Variants in UBTD2 observed in about 807,000 individuals in gnomAD.
UBTD2 encodes the protein ubiquitin domain containing 2.
Under a neutral mutation model 19.8 loss-of-function variants are expected in UBTD2, and 9 were observed. The observed-to-expected ratio is 0.46, with a 90% CI of 0.27 to 0.79. The LOEUF is 0.79. Among genes scored for constraint, UBTD2 ranks in the 30% least tolerant of loss-of-function variants. The pLI is 0.14. For synonymous variants in UBTD2, 98 were observed against 103.9 expected (o/e 0.94, Z 0.35); for missense variants, 250 against 300.4 (o/e 0.83, Z 1.24).
chr5:172,232,832 T>A (rs1771930396), intron 2 of UBTD2, among the ~76,000 whole-genome samples: 1 of 151,976 alleles, frequency 6.6e-6, no homozygotes, highest in South Asian at 2.1e-4. Context: ...TGCAATGAGC[T>A]GTCATCGTGC....
chr5:172,229,455 T>C (rs993142291), intron 2 of UBTD2, among the ~76,000 whole-genome samples: 10 of 144,236 alleles, frequency 6.9e-5, no homozygotes, highest in African/African-American at 7.8e-5. Context: ...GAGCCGAGAT[T>C]GTGCCACTGC....
chr5:172,275,350 A>G (rs1239627278), intron 1 of UBTD2, among the ~76,000 whole-genome samples: 1 of 152,158 alleles, frequency 6.6e-6, no homozygotes, highest in Non-Finnish European at 1.5e-5. Context: ...ACAATTCAGG[A>G]TGAGATTTGG....
Position 172,283,566 on chromosome 5 carries a change from G to A in UBTD2, c.70+30C>T. ...CCGGGCCTGGCCGGGAACAATGGGG[G>A]GCCGAGGCTGCCCCCTGGCGCTCAC... On this transcript the variant is annotated intron_variant, in intron 1 of 2. Transcript: ENST00000393792. This position sits in a 1 kb window ranked among gnomAD's most constrained non-coding sequence, Gnocchi z 4.3. The A allele has an allele frequency of 3.1e-6, 4 of 1,287,180 alleles. No individual in the cohort carries two copies. The highest frequency in any genetic ancestry group is 4.0e-6 in the Non-Finnish European group (4 of 1,011,646). 79.7% of individuals were successfully genotyped at this position (1,287,180 alleles called of 1,614,324 possible).
At chr5:172,219,765 C>T (rs1771615867) in intron 2 of UBTD2, among the ~76,000 whole-genome samples, 2 of 152,168 alleles carry the variant, frequency 1.3e-5, no homozygotes, top group Non-Finnish European at 1.5e-5. Flanking sequence ...TTTGCCGTGG[C>T]ACTTCAAACC....
chr5:172,253,618 T>C (rs935848169), intron 1 of UBTD2, among the ~76,000 whole-genome samples: 1 of 151,874 alleles, frequency 6.6e-6, no homozygotes, highest in African/African-American at 2.4e-5. Context: ...CACGCCCAGC[T>C]AATTTTTGTA....
At chr5:172,242,971 G>A (rs1028916935) in intron 1 of UBTD2, among the ~76,000 whole-genome samples, 3 of 151,916 alleles carry the variant, frequency 2.0e-5, no homozygotes, top group East Asian at 1.9e-4. Context: ...TGTATGCTCC[G>A]AAATTGACCC....
upstream of UBTD2, chr5:172,283,876 G>GGCCGCCCGCCCGGCAGGCCTGGCCCGCGC (rs1755780837): frequency 5.8e-6 from 1 of 173,634 alleles, no homozygotes; most frequent in African/African-American, 2.4e-5. The surrounding 1 kb of genome is among the most constrained non-coding windows in gnomAD (Gnocchi z 4.3). Flanking sequence ...TCAACCCCCG[G>GGCCGCCCGCCCGGCAGGCCTGGCCCGCGC]GCCGCCCGCC....
intron 1 of UBTD2, among the ~76,000 whole-genome samples, chr5:172,241,183 G>A (rs1772120016): frequency 1.3e-5 from 2 of 152,068 alleles, no homozygotes; most frequent in South Asian, 2.1e-4. Context: ...GGAGGCCGAC[G>A]TGAGTGGATC....
chr5:172,254,501 A>T (rs1755099022), intron 1 of UBTD2: 4 of 554,622 alleles, frequency 7.2e-6, no homozygotes, highest in Non-Finnish European at 1.3e-5. Flanking sequence ...TTTTTAGTTC[A>T]TCAGACCGAG....
At chr5:172,256,004 G>A (rs1234581204) in intron 1 of UBTD2, among the ~76,000 whole-genome samples, 1 of 151,852 alleles carries the variant, frequency 6.6e-6, no homozygotes, top group Non-Finnish European at 1.5e-5. Flanking sequence ...CAGGAGAATC[G>A]CTTGAACCCA....
At chr5:172,261,298 C>T (rs1156427243) in intron 1 of UBTD2, among the ~76,000 whole-genome samples, 6 of 152,170 alleles carry the variant, frequency 3.9e-5, no homozygotes, top group South Asian at 2.1e-4. Context: ...ACTTTATAAC[C>T]GAGATAGATT....
chr5:172,266,140 A>T (rs908568606), intron 1 of UBTD2, among the ~76,000 whole-genome samples: 2 of 152,030 alleles, frequency 1.3e-5, no homozygotes, highest in Non-Finnish European at 2.9e-5. Flanking sequence ...CGTGTTAGCC[A>T]GGCTGGTCTT....
chr5:172,248,600 C>T (rs942150549), intron 1 of UBTD2, among the ~76,000 whole-genome samples: 2 of 144,166 alleles, frequency 1.4e-5, no homozygotes, highest in African/African-American at 5.1e-5. Flanking sequence ...AAAAAAAAAA[C>T]AACCCACAAA....
chr5:172,237,285 G>T (rs1238628183), intron 1 of UBTD2, among the ~76,000 whole-genome samples: 4 of 151,964 alleles, frequency 2.6e-5, no homozygotes, highest in Non-Finnish European at 5.9e-5. Flanking sequence ...GTAGAGACGG[G>T]GTTTCACCAT....
At chr5:172,249,909 AGT>A (rs1754959399) in intron 1 of UBTD2, among the ~76,000 whole-genome samples, 1 of 152,244 alleles carries the variant, frequency 6.6e-6, no homozygotes, top group Admixed American at 6.5e-5. Flanking sequence ...CATAATAAAT[AGT>A]CTTTATTGAA....
At chr5:172,262,635 A>G (rs1482743241) in intron 1 of UBTD2, among the ~76,000 whole-genome samples, 1 of 151,498 alleles carries the variant, frequency 6.6e-6, no homozygotes, top group Non-Finnish European at 1.5e-5. Flanking sequence ...AACAAGGCAA[A>G]ACCCCATCTC....
chr5:172,248,416 C>T (rs1754926154), intron 1 of UBTD2, among the ~76,000 whole-genome samples: 1 of 152,010 alleles, frequency 6.6e-6, no homozygotes, highest in Non-Finnish European at 1.5e-5. Context: ...GGTGAAACCC[C>T]ATCTCTACCA....
chr5:172,256,383 A>G (rs1396000224), intron 1 of UBTD2, among the ~76,000 whole-genome samples: 1 of 139,320 alleles, frequency 7.2e-6, no homozygotes, highest in Non-Finnish European at 1.6e-5. Context: ...ACTTTTCCTT[A>G]TACTTTTTTT....
At chr5:172,234,070 C>T in intron 2 of UBTD2, 52 bp downstream of exon 2, 1 of 1,576,996 alleles carries the variant, frequency 6.3e-7, no homozygotes, top group Non-Finnish European at 8.7e-7. Flanking sequence ...TTCTTGCTAT[C>T]AGAAACAAAG....
Sources: allele counts gnomAD v4.1 joint callset (sites outside exome capture counted in the v4.1 genomes callset), GRCh38; gene constraint gnomAD v4.1.1; non-coding constraint Gnocchi (gnomAD v3.1); transcripts MANE v1.5; gene names NCBI Gene and HGNC (gene_info 2026-07-23, HGNC 2026-07-21).